STPG2: variants seen among roughly 807,000 people sequenced by gnomAD.
STPG2 encodes sperm-tail PG-rich repeat-containing protein 2.
In STPG2, 56 loss-of-function variants were observed where a neutral mutation model predicts 54.2. That is an observed-to-expected ratio of 1.03 (90% CI 0.83 to 1.29). The LOEUF is 1.29. Ranked by LOEUF, STPG2 falls within the 50% of genes most tolerant of loss-of-function variation. The probability of loss-of-function intolerance (pLI) is 0.00; values close to 1 mark genes in which losing one functional copy is unlikely to be tolerated. For synonymous variants in STPG2, 200 were observed against 181.8 expected, an observed-to-expected ratio of 1.10 and a Z score of -0.81; for missense variants, 596 against 544.9, an observed-to-expected ratio of 1.09 and a Z score of -0.93.
In STPG2 at chr4:97,919,365, A is replaced by G. The variant is rs190740191; in HGVS notation, c.1044+24532T>C. Among the ~76,000 whole-genome samples, 184 of 151,736 alleles carry G rather than the reference A, an allele frequency of 1.2e-3. 4 individuals carry two copies. The highest frequency in any genetic ancestry group is 0.012 in the East Asian group (60 of 5,186). On this transcript the variant is annotated intron_variant, in intron 8 of 10. Coordinates refer to ENST00000295268, the MANE Select transcript of STPG2 (RefSeq NM_174952.3). ...AAGAAATAGAAATTAAATATATAATAGAGAATATCAACAGTCAAAAGTTTT... is the reference window on the plus strand; with the variant it reads ...AAGAAATAGAAATTAAATATATAATGGAGAATATCAACAGTCAAAAGTTTT...
intron 9 of STPG2, among the ~76,000 whole-genome samples, chr4:97,779,220 T>C (rs1238934102): frequency 6.6e-6 from 1 of 151,976 alleles, no homozygotes; most frequent in East Asian, 1.9e-4. Flanking sequence ...GAATAACCAG[T>C]GTAGAGAAGT....
rs77087044 is a variant in STPG2 at position 97,514,236 on chromosome 4, T to A, written c.462+198463A>T. 8.8e-3 allele frequency among the ~76,000 whole-genome samples: 1,342 copies of A among 152,208 alleles called. 14 individuals carry two copies. Among genetic ancestry groups the A allele is most frequent in the South Asian group, 0.026 (125 of 4,824 alleles). On this transcript the variant is annotated intron_variant, in intron 4 of 4. Coordinates refer to the STPG2 transcript ENST00000522676. ...GTTCTAAACGTCCCAGCGTCATGAATATATTGCATTACTGAAGAGAGAGAG... is the reference window on the plus strand; with the variant it reads ...GTTCTAAACGTCCCAGCGTCATGAAAATATTGCATTACTGAAGAGAGAGAG...
At chr4:97,988,126 C>A (rs1734884285) in intron 5 of STPG2, among the ~76,000 whole-genome samples, 1 of 151,866 alleles carries the variant, frequency 6.6e-6, no homozygotes, top group Non-Finnish European at 1.5e-5. Flanking sequence ...TGCTACATAT[C>A]TTCCTCAAAC....
intron 7 of STPG2, among the ~76,000 whole-genome samples, chr4:97,965,967 A>G (rs1020809894): frequency 7.2e-5 from 11 of 152,216 alleles, no homozygotes; most frequent in Non-Finnish European, 1.6e-4. Flanking sequence ...TCTCCTCTAA[A>G]GGATTGCAGA....
intron 5 of STPG2, 148 bp from the exon 6 acceptor site, chr4:97,981,466 G>C: frequency 1.3e-6 from 1 of 786,548 alleles, no homozygotes; most frequent in Non-Finnish European, 2.0e-6. Context: ...CTAAGATCTT[G>C]TACCCATCAA....
At chr4:98,124,888 T>C (rs970446575) in intron 3 of STPG2, among the ~76,000 whole-genome samples, 1 of 152,200 alleles carries the variant, frequency 6.6e-6, no homozygotes, top group Non-Finnish European at 1.5e-5. Context: ...CCATTTCTTT[T>C]TCTCTAATCA....
chr4:97,593,528 A>G (rs755924081), intron 10 of STPG2, among the ~76,000 whole-genome samples: 21 of 152,050 alleles, frequency 1.4e-4, no homozygotes, highest in Non-Finnish European at 2.5e-4. Context: ...CAACACCACC[A>G]TCACTGCATG....
At chr4:97,747,104 G>A (rs1321962027) in intron 9 of STPG2, among the ~76,000 whole-genome samples, 3 of 151,124 alleles carry the variant, frequency 2.0e-5, no homozygotes, top group Non-Finnish European at 4.4e-5. Context: ...AACCTTAGCT[G>A]TAAGAAAGGA....
chr4:97,913,163 G>A (rs563050145), intron 8 of STPG2, among the ~76,000 whole-genome samples: 3 of 152,120 alleles, frequency 2.0e-5, no homozygotes, highest in African/African-American at 4.8e-5. Flanking sequence ...ACAGAAACAG[G>A]CAATGAAGGA....
At chr4:98,010,353 G>A (rs956339622) in intron 5 of STPG2, among the ~76,000 whole-genome samples, 2 of 151,774 alleles carry the variant, frequency 1.3e-5, no homozygotes, top group African/African-American at 2.4e-5. Flanking sequence ...CATTGACCTG[G>A]CCCTTTTATC....
At chr4:97,813,631 C>T (rs1727810640) in intron 9 of STPG2, among the ~76,000 whole-genome samples, 1 of 122,688 alleles carries the variant, frequency 8.2e-6, no homozygotes, top group East Asian at 2.4e-4. Flanking sequence ...TGCTTGAGCC[C>T]AGGAGTTCAA....
chr4:97,486,898 A>ACACAC (rs1257291784), intron 4 of STPG2, among the ~76,000 whole-genome samples: 20 of 125,300 alleles, frequency 1.6e-4, no homozygotes, highest in African/African-American at 6.2e-4. Context: ...CACACACACA[A>ACACAC]TGGAATACTA....
At chr4:97,899,206 T>C (rs1358079365) in intron 8 of STPG2, among the ~76,000 whole-genome samples, 1 of 151,816 alleles carries the variant, frequency 6.6e-6, no homozygotes, top group Non-Finnish European at 1.5e-5. Flanking sequence ...AAATCAAAAA[T>C]GTAATCTTAT....
At chr4:97,754,498 T>C (rs1725671292) in intron 9 of STPG2, among the ~76,000 whole-genome samples, 1 of 152,146 alleles carries the variant, frequency 6.6e-6, no homozygotes, top group Non-Finnish European at 1.5e-5. Context: ...TAAAAGTCTA[T>C]TAAGGTATTT....
At chr4:97,496,187 C>T (rs969681685) in intron 4 of STPG2, among the ~76,000 whole-genome samples, 4 of 151,280 alleles carry the variant, frequency 2.6e-5, no homozygotes, top group Admixed American at 6.6e-5. Flanking sequence ...ATTTATATGC[C>T]CCCCCAAAAG....
chr4:97,955,369 C>T (rs1262114215), intron 7 of STPG2, among the ~76,000 whole-genome samples: 1 of 152,046 alleles, frequency 6.6e-6, no homozygotes, highest in Non-Finnish European at 1.5e-5. Context: ...TGTCTGCCAC[C>T]ATGCCTGGCT....
intron 4 of STPG2, among the ~76,000 whole-genome samples, chr4:97,468,021 C>A (rs1026409385): frequency 6.6e-6 from 1 of 151,714 alleles, no homozygotes; most frequent in Admixed American, 6.6e-5. Context: ...AAAGATTTTG[C>A]TACATATCCT....
intron 10 of STPG2, among the ~76,000 whole-genome samples, chr4:97,564,244 T>C (rs1732354213): frequency 6.6e-6 from 1 of 152,198 alleles, no homozygotes; most frequent in Non-Finnish European, 1.5e-5. Flanking sequence ...TATCAGAGAC[T>C]AGGATTGCAA....
intron 10 of STPG2, among the ~76,000 whole-genome samples, chr4:97,652,096 A>G (rs1283445948): frequency 6.6e-6 from 1 of 151,906 alleles, no homozygotes; most frequent in Non-Finnish European, 1.5e-5. Context: ...AGTATCAAAA[A>G]TTTGCATAAG....
Sources: allele counts gnomAD v4.1 joint callset (sites outside exome capture counted in the v4.1 genomes callset), GRCh38; gene constraint gnomAD v4.1.1; transcripts MANE v1.5; gene names NCBI Gene and HGNC (gene_info 2026-07-23, HGNC 2026-07-21).